The following MLLT3 variants were observed in gnomAD, a reference collection of about 807,000 sequenced individuals.
MLLT3 encodes MLLT3 super elongation complex subunit, also known as protein AF-9.
Under a neutral mutation model 53.2 loss-of-function variants are expected in MLLT3, and 4 were observed. That is an observed-to-expected ratio of 0.08 (90% CI 0.04 to 0.17). The LOEUF (loss-of-function observed/expected upper bound fraction) is 0.17. MLLT3 is among the 10% of genes least tolerant of loss of function. The pLI is 1.00. For missense variants in MLLT3, 569 were observed against 684.0 expected (o/e 0.83, Z 1.87); for synonymous variants, 283 against 230.6 (o/e 1.23, Z -2.06).
At chr9:20,475,275 G>C (rs1824492032) in intron 2 of MLLT3, among the ~76,000 whole-genome samples, 1 of 152,050 alleles carries the variant, frequency 6.6e-6, no homozygotes, top group African/African-American at 2.4e-5. Flanking sequence ...TTTCTACAAT[G>C]TGAAAGAGGG....
At chr9:20,554,597 C>G (rs764074531) in intron 2 of MLLT3, among the ~76,000 whole-genome samples, 10 of 152,144 alleles carry the variant, frequency 6.6e-5, no homozygotes, top group Non-Finnish European at 1.2e-4. Context: ...TTCAGCAAAA[C>G]AAAGCTGATT....
chr9:20,484,350 T>C (rs1009579011), intron 2 of MLLT3, among the ~76,000 whole-genome samples: 4 of 152,188 alleles, frequency 2.6e-5, no homozygotes, highest in African/African-American at 9.7e-5. Flanking sequence ...CTTTTAACTT[T>C]GCCCTACCTC....
At position 20,542,995 on chromosome 9, in the gene MLLT3, C is replaced by G. The variant is rs117146948; in HGVS notation, c.193+77659G>C. Among the ~76,000 whole-genome samples the G allele has an allele frequency of 6.6e-3, 1,004 of 152,338 alleles. 6 individuals are homozygous for G. Among genetic ancestry groups the G allele is most frequent in the Non-Finnish European group, 0.011 (741 of 68,036 alleles). On this transcript the variant is annotated intron_variant, in intron 2 of 10. Transcript: ENST00000380338. ...TTCTTCAAATATCATGAAACAACCT[C>G]TGCTAGCTTCAAACATTTCTTCTGC...
At chr9:20,521,231 C>T (rs570261949) in intron 2 of MLLT3, among the ~76,000 whole-genome samples, 15 of 152,134 alleles carry the variant, frequency 9.9e-5, no homozygotes, top group African/African-American at 2.9e-4. Flanking sequence ...CCATCGCATC[C>T]GGCTACTTTT....
chr9:20,602,386 C>T lies in MLLT3; in HGVS notation c.193+18268G>A, dbSNP rs1029158381. 3.3e-5 allele frequency among the ~76,000 whole-genome samples: 5 copies of T among 152,104 alleles called. No homozygotes were observed. The East Asian group carries it at 9.7e-4, about 29-fold the overall frequency. ...AAAACTCATTCAAGCTAGAAGCTTT[C>T]AATAAGGTTAAATGTGGTCAGAATT... On this transcript the variant is annotated intron_variant, in intron 2 of 10. Coordinates refer to ENST00000380338, the MANE Select transcript of MLLT3 (RefSeq NM_004529.4).
chr9:20,586,981 G>C (rs549702056), intron 2 of MLLT3, among the ~76,000 whole-genome samples: 2 of 152,078 alleles, frequency 1.3e-5, no homozygotes, highest in Admixed American at 1.3e-4. Context: ...CTAAGTAGAA[G>C]ATGTGATGAA....
At chr9:20,461,281 T>C (rs922041767) in intron 2 of MLLT3, among the ~76,000 whole-genome samples, 2 of 152,194 alleles carry the variant, frequency 1.3e-5, no homozygotes, top group South Asian at 4.1e-4. Flanking sequence ...ATATATAATA[T>C]GTAGTATGAT....
At chr9:20,511,504 C>G (rs909353318) in intron 2 of MLLT3, among the ~76,000 whole-genome samples, 8 of 152,076 alleles carry the variant, frequency 5.3e-5, no homozygotes, top group African/African-American at 1.9e-4. Flanking sequence ...GTAAAAGCAA[C>G]AGTGAATTAC....
At chr9:20,505,876 C>A (rs1825368621) in intron 2 of MLLT3, among the ~76,000 whole-genome samples, 1 of 152,178 alleles carries the variant, frequency 6.6e-6, no homozygotes, top group South Asian at 2.1e-4. Context: ...TTTAGATACC[C>A]CCTCAGTGTG....
chr9:20,544,786 C>T (rs1032038805), intron 2 of MLLT3, among the ~76,000 whole-genome samples: 3 of 152,146 alleles, frequency 2.0e-5, no homozygotes, highest in Admixed American at 6.5e-5. Flanking sequence ...TGTACCCCCA[C>T]GTTCAATGAA....
chr9:20,467,385 C>T (rs1824263045), intron 2 of MLLT3, among the ~76,000 whole-genome samples: 1 of 152,120 alleles, frequency 6.6e-6, no homozygotes, highest in South Asian at 2.1e-4. Context: ...GGAGAACATC[C>T]TGGCCAACAT....
chr9:20,615,360 GAAAAAAAAAAAAAAA>G (rs10601830), intron 2 of MLLT3, among the ~76,000 whole-genome samples: 41 of 48,764 alleles, frequency 8.4e-4, no homozygotes, highest in Admixed American at 1.4e-3. Flanking sequence ...CAGACCATGT[GAAAAAAAAAAAAAAA>G]AAAAAAAAAA....
chr9:20,591,753 A>G (rs1820135767), intron 2 of MLLT3, among the ~76,000 whole-genome samples: 5 of 152,272 alleles, frequency 3.3e-5, no homozygotes, highest in Admixed American at 3.3e-4. Context: ...GTGAATGTGT[A>G]TCAAAAAAAA....
At chr9:20,591,587 G>C (rs1820130694) in intron 2 of MLLT3, among the ~76,000 whole-genome samples, 1 of 152,170 alleles carries the variant, frequency 6.6e-6, no homozygotes. Context: ...AACTTAGGCA[G>C]AGTTATAGAA....
At chr9:20,404,749 T>G (rs1822539151) in intron 5 of MLLT3, among the ~76,000 whole-genome samples, 1 of 152,116 alleles carries the variant, frequency 6.6e-6, no homozygotes, top group Non-Finnish European at 1.5e-5. Flanking sequence ...CAAGCAATCC[T>G]CCTACCTTGG....
chr9:20,355,859 A>C (rs1409317193), intron 8 of MLLT3, among the ~76,000 whole-genome samples: 2 of 152,166 alleles, frequency 1.3e-5, no homozygotes, highest in African/African-American at 4.8e-5. Context: ...TGTTCTCTTT[A>C]CCCATTCTGT....
intron 4 of MLLT3, among the ~76,000 whole-genome samples, chr9:20,440,896 T>A (rs748942887): frequency 2.0e-5 from 3 of 152,114 alleles, no homozygotes; most frequent in African/African-American, 7.2e-5. Flanking sequence ...CTTTAAGATA[T>A]CACAGCATTT....
At chr9:20,442,933 C>G (rs1823591250) in intron 4 of MLLT3, among the ~76,000 whole-genome samples, 2 of 152,146 alleles carry the variant, frequency 1.3e-5, no homozygotes, top group Admixed American at 6.6e-5. Context: ...CCTACTGAAA[C>G]AGGTGGTGTC....
At chr9:20,520,107 C>G (rs1818021220) in intron 2 of MLLT3, among the ~76,000 whole-genome samples, 1 of 152,064 alleles carries the variant, frequency 6.6e-6, no homozygotes, top group African/African-American at 2.4e-5. Context: ...AACAGAAAGC[C>G]AAATACCACA....
Sources: allele counts gnomAD v4.1 joint callset (sites outside exome capture counted in the v4.1 genomes callset), GRCh38; gene constraint gnomAD v4.1.1; transcripts MANE v1.5; gene names NCBI Gene and HGNC (gene_info 2026-07-23, HGNC 2026-07-21).